Variants in MGAT4C observed in about 807,000 individuals in gnomAD.
MGAT4C encodes MGAT4 family member C.
Under a neutral mutation model 40.1 loss-of-function variants are expected in MGAT4C, and 19 were observed. The ratio of observed to expected loss-of-function variants is 0.47; its 90% CI spans 0.33 to 0.70. The LOEUF (loss-of-function observed/expected upper bound fraction) is 0.70. MGAT4C is among the 30% of genes least tolerant of loss of function. The pLI is 0.02. For missense variants in MGAT4C, 491 were observed against 563.2 expected, an observed-to-expected ratio of 0.87 and a Z score of 1.30; for synonymous variants, 181 against 187.1, an observed-to-expected ratio of 0.97 and a Z score of 0.27.
rs904598948 is a variant in MGAT4C, at chr12:86,496,885, C to T, written c.-228-61620G>A. Among the ~76,000 whole-genome samples, 49 of 151,960 alleles carry T rather than the reference C, an allele frequency of 3.2e-4. 1 individual carries two copies. Among genetic ancestry groups the T allele is most frequent in the African/African-American group, 1.1e-3 (47 of 41,502 alleles). On this transcript the variant is annotated intron_variant, in intron 2 of 7. Coordinates refer to the MGAT4C transcript ENST00000548651. ...TTCATACTAGAAAATGTACCTACTA[C>T]CTATATGGGTCTCCCATAAAACCAT...
At chr12:86,093,986 A>T (rs553703031) in intron 1 of MGAT4C, among the ~76,000 whole-genome samples, 2 of 152,194 alleles carry the variant, frequency 1.3e-5, no homozygotes, top group African/African-American at 4.8e-5. Flanking sequence ...ACTCATAGAC[A>T]CTGAAGTTTC....
At chr12:86,361,934 C>G (rs1955484103) in intron 3 of MGAT4C, among the ~76,000 whole-genome samples, 1 of 152,212 alleles carries the variant, frequency 6.6e-6, no homozygotes, top group Non-Finnish European at 1.5e-5. Flanking sequence ...GTGGCAATTC[C>G]TCAAGGATCT....
intron 1 of MGAT4C, among the ~76,000 whole-genome samples, chr12:86,119,365 C>T (rs1362420220): frequency 1.3e-5 from 2 of 152,084 alleles, no homozygotes; most frequent in Non-Finnish European, 2.9e-5. Context: ...AGCAGTTACT[C>T]TAAACCCCAT....
chr12:86,794,882 A>C (rs1369703191), intron 1 of MGAT4C, among the ~76,000 whole-genome samples: 1 of 151,934 alleles, frequency 6.6e-6, no homozygotes, highest in Non-Finnish European at 1.5e-5. Context: ...TTAGCCACAC[A>C]AAAGCCAATA....
chr12:86,693,297 T>G (rs970744502), intron 2 of MGAT4C, among the ~76,000 whole-genome samples: 1 of 152,194 alleles, frequency 6.6e-6, no homozygotes, highest in Non-Finnish European at 1.5e-5. Flanking sequence ...CATTGACCAG[T>G]AACTTGATAA....
At position 85,977,816 on chromosome 12, in the gene MGAT4C, AC is replaced by A. The variant is rs1884116208; in HGVS notation, c.*1472del. ...CACACACACACACACACACACACAC[AC>A]ACACACACACACACACAGAGTCATC... On this transcript the variant is annotated 3_prime_UTR_variant, in exon 5 of 5. Coordinates refer to ENST00000611864, the MANE Select transcript of MGAT4C (RefSeq NM_001351288.2). 7.7e-6 allele frequency: 1 copy of A among 130,184 alleles called. No individual in the cohort carries two copies. The highest frequency in any genetic ancestry group is 1.9e-4 in the East Asian group (1 of 5,196). 8.1% of individuals were successfully genotyped at this position (130,184 alleles called of 1,614,324 possible).
chr12:86,615,892 A>T (rs537394506), intron 2 of MGAT4C, among the ~76,000 whole-genome samples: 1 of 152,100 alleles, frequency 6.6e-6, no homozygotes, highest in Admixed American at 6.5e-5. Context: ...GAATCAATGA[A>T]TGATGAAACC....
intron 1 of MGAT4C, among the ~76,000 whole-genome samples, chr12:86,114,293 T>A (rs541718397): frequency 1.3e-5 from 2 of 152,072 alleles, no homozygotes; most frequent in South Asian, 4.1e-4. Flanking sequence ...CTGGTGTACC[T>A]CACAAGTCAA....
intron 1 of MGAT4C, among the ~76,000 whole-genome samples, chr12:86,777,451 A>G (rs4365118): frequency 0.4 from 60,213 of 151,964 alleles, 12,080 homozygotes; most frequent in East Asian, 0.46. Context: ...CCTCTTTCAC[A>G]AGTTGCTTTG....
At chr12:86,487,621 A>G (rs1393470499) in intron 2 of MGAT4C, among the ~76,000 whole-genome samples, 1 of 152,178 alleles carries the variant, frequency 6.6e-6, no homozygotes, top group East Asian at 1.9e-4. Flanking sequence ...TCTAACTACC[A>G]ATGGTTAAGT....
chr12:86,359,573 T>C (rs1167335726), intron 3 of MGAT4C, among the ~76,000 whole-genome samples: 1 of 151,072 alleles, frequency 6.6e-6, no homozygotes, highest in Non-Finnish European at 1.5e-5. Context: ...ACAAAATGGA[T>C]AGACTGCTAG....
At chr12:86,112,065 G>T (rs10506930) in intron 1 of MGAT4C, among the ~76,000 whole-genome samples, 3,592 of 151,884 alleles carry the variant, frequency 0.024, 148 homozygotes, top group African/African-American at 0.083. Flanking sequence ...GTGGGAGCAA[G>T]TAAGTATAAG....
intron 1 of MGAT4C, among the ~76,000 whole-genome samples, chr12:86,094,858 G>C (rs1873603941): frequency 6.6e-6 from 1 of 151,940 alleles, no homozygotes; most frequent in African/African-American, 2.4e-5. Flanking sequence ...AACTTTCCTT[G>C]TACATTAAGT....
At chr12:86,120,764 G>A (rs1879249537) in intron 1 of MGAT4C, among the ~76,000 whole-genome samples, 1 of 152,106 alleles carries the variant, frequency 6.6e-6, no homozygotes, top group African/African-American at 2.4e-5. Flanking sequence ...AAGACCAAAG[G>A]TAGATAAAAC....
chr12:86,588,452 T>G (rs564092856), intron 2 of MGAT4C, among the ~76,000 whole-genome samples: 3 of 151,990 alleles, frequency 2.0e-5, no homozygotes, highest in African/African-American at 7.2e-5. Context: ...ACATTAATAA[T>G]GGGAGACTTT....
At chr12:86,227,578 A>T (rs1419953970) in intron 1 of MGAT4C, among the ~76,000 whole-genome samples, 2 of 151,994 alleles carry the variant, frequency 1.3e-5, no homozygotes, top group African/African-American at 4.8e-5. Context: ...ACACATTTTC[A>T]TATTTAGGTT....
At chr12:86,574,670 G>A (rs982039302) in intron 2 of MGAT4C, among the ~76,000 whole-genome samples, 2 of 151,716 alleles carry the variant, frequency 1.3e-5, no homozygotes, top group Admixed American at 1.3e-4. Context: ...AATGTATGCT[G>A]CTTACTTGAT....
intron 2 of MGAT4C, among the ~76,000 whole-genome samples, chr12:86,664,309 C>A (rs1209561455): frequency 6.6e-6 from 1 of 151,930 alleles, no homozygotes; most frequent in Non-Finnish European, 1.5e-5. Flanking sequence ...CTTTTCCTTT[C>A]CTTCTTCCCC....
At chr12:86,508,457 A>G (rs561071761) in intron 2 of MGAT4C, among the ~76,000 whole-genome samples, 1 of 152,238 alleles carries the variant, frequency 6.6e-6, no homozygotes, top group African/African-American at 2.4e-5. Flanking sequence ...CCAGTCTATC[A>G]TTGTTGGACA....
Sources: gnomAD v4.1 joint callset for allele counts (sites outside exome capture counted in the v4.1 genomes callset) on GRCh38, gnomAD v4.1.1 for gene constraint, MANE v1.5 for transcripts, NCBI Gene and HGNC (gene_info 2026-07-23, HGNC 2026-07-21) for gene names.